The following LTBP1 variants were observed in gnomAD, a reference collection of about 807,000 sequenced individuals.
LTBP1 encodes latent transforming growth factor beta binding protein 1.
A neutral mutation model predicts 207.6 loss-of-function variants in LTBP1; 129 were observed. That is an observed-to-expected ratio of 0.62 (90% CI 0.54 to 0.72). The LOEUF (loss-of-function observed/expected upper bound fraction) is 0.72. LTBP1 is among the 30% of genes least tolerant of loss of function. The pLI is 0.00. For missense variants in LTBP1, 2,281 were observed against 2,217.2 expected (o/e 1.03, Z -0.58); for synonymous variants, 963 against 833.7 (o/e 1.16, Z -2.67).
rs547064449 is a variant in LTBP1, at chr2:33,334,345, G to C, written c.3731-8493G>C. On this transcript the variant is annotated intron_variant, in intron 24 of 33. Coordinates refer to ENST00000404816, the MANE Select transcript of LTBP1 (RefSeq NM_206943.4). ...TTACCCATGGAAGAAAACTGAAGAG[G>C]TTTAAGCAGAGAACTATTTGATTGG... Among the ~76,000 whole-genome samples, 5 of 152,300 alleles carry C rather than the reference G, an allele frequency of 3.3e-5. No homozygotes were observed. The South Asian group carries it at 1.0e-3, about 32-fold the overall frequency.
chr2:33,324,380 A>T (rs190606873), intron 24 of LTBP1, among the ~76,000 whole-genome samples: 52 of 151,284 alleles, frequency 3.4e-4, no homozygotes, highest in African/African-American at 1.2e-3. Flanking sequence ...TATCATAGGT[A>T]TGTATGTATG....
chr2:32,972,698 C>G (rs1239600203), intron 2 of LTBP1, among the ~76,000 whole-genome samples: 2 of 152,106 alleles, frequency 1.3e-5, no homozygotes, highest in South Asian at 2.1e-4. Context: ...CCATGCTGTT[C>G]TTGTGATAGT....
At chr2:33,131,177 A>G (rs902802362) in intron 4 of LTBP1, among the ~76,000 whole-genome samples, 1 of 152,156 alleles carries the variant, frequency 6.6e-6, no homozygotes, top group Non-Finnish European at 1.5e-5. Context: ...CTATTCCACA[A>G]TTATTGGGTG....
intron 6 of LTBP1, 72 bp downstream of exon 6, chr2:33,187,152 C>T (rs1371042213): frequency 7.4e-7 from 1 of 1,349,880 alleles, no homozygotes; most frequent in Non-Finnish European, 1.0e-6. Context: ...AGTCAAGGAT[C>T]TGCGGGTGGC....
intron 31 of LTBP1, among the ~76,000 whole-genome samples, chr2:33,381,996 A>G (rs1185479497): frequency 6.6e-6 from 1 of 150,652 alleles, no homozygotes; most frequent in Non-Finnish European, 1.5e-5. Flanking sequence ...GTAGGAACTT[A>G]ATAGTGCGTG....
At chr2:33,373,850 T>G (rs1280968662) in intron 31 of LTBP1, among the ~76,000 whole-genome samples, 1 of 152,224 alleles carries the variant, frequency 6.6e-6, no homozygotes, top group Admixed American at 6.5e-5. Context: ...CTAAATATTA[T>G]GTATTTTAAA....
chr2:33,261,477 G>A (rs376091180), intron 13 of LTBP1, among the ~76,000 whole-genome samples: 2 of 152,220 alleles, frequency 1.3e-5, no homozygotes, highest in East Asian at 3.9e-4. Context: ...GAAGAAAGAG[G>A]AAGCCAGTTA....
At chr2:33,110,808 C>A in intron 4 of LTBP1, 57 bp downstream of exon 4, 2 of 1,552,260 alleles carry the variant, frequency 1.3e-6, no homozygotes, top group South Asian at 2.3e-5. Context: ...ATTGGAAACA[C>A]TTTGTTCAGT....
At chr2:33,312,672 C>G (rs1252958482) in intron 23 of LTBP1, among the ~76,000 whole-genome samples, 1 of 150,858 alleles carries the variant, frequency 6.6e-6, no homozygotes, top group Non-Finnish European at 1.5e-5. Context: ...TCTTTCTTAG[C>G]AGTTTCCTGG....
chr2:33,211,456 C>A (rs1476432046), intron 7 of LTBP1, among the ~76,000 whole-genome samples: 1 of 152,192 alleles, frequency 6.6e-6, no homozygotes, highest in African/African-American at 2.4e-5. Flanking sequence ...TGGGATTGGA[C>A]AAGCATCATT....
At position 33,301,650 on chromosome 2, in the gene LTBP1, A is replaced by C. The variant is rs762349795; in HGVS notation, c.3481+6A>C. On this transcript the variant is annotated splice_donor_region_variant and intron_variant, in intron 22 of 33. Transcript: ENST00000404816. ...GCTTGGAGACCACTGTGAAGGTAAG[A>C]ATTGCTCCTGATTTCAGAATCATAA... The C allele has an allele frequency of 3.2e-6, 5 of 1,579,634 alleles. No individual in the cohort carries two copies. The South Asian group carries it at 5.9e-5, about 19-fold the overall frequency.
At chr2:33,329,124 G>T (rs57489629) in intron 24 of LTBP1, among the ~76,000 whole-genome samples, 19,873 of 152,142 alleles carry the variant, frequency 0.13, 2,317 homozygotes, top group African/African-American at 0.31. Flanking sequence ...AGTTTACACT[G>T]CTACCAGCAA....
At chr2:33,022,881 T>C (rs1333054726) in intron 3 of LTBP1, among the ~76,000 whole-genome samples, 3 of 152,232 alleles carry the variant, frequency 2.0e-5, no homozygotes, top group African/African-American at 7.2e-5. Flanking sequence ...TCACAGGTCA[T>C]GAAGTATTAT....
intron 2 of LTBP1, among the ~76,000 whole-genome samples, chr2:32,995,913 A>G (rs1648896979): frequency 6.6e-6 from 1 of 152,180 alleles, no homozygotes. Context: ...TGTTTTATAG[A>G]TGAGGAAATC....
At chr2:33,371,871 G>T (rs2095071692) in intron 31 of LTBP1, among the ~76,000 whole-genome samples, 1 of 152,228 alleles carries the variant, frequency 6.6e-6, no homozygotes, top group African/African-American at 2.4e-5. Context: ...GTTTTAAATT[G>T]CATGCAGTTC....
At chr2:33,188,223 C>T (rs2148832517) in intron 6 of LTBP1, among the ~76,000 whole-genome samples, 1 of 152,178 alleles carries the variant, frequency 6.6e-6, no homozygotes, top group African/African-American at 2.4e-5. Context: ...GAGTTCAAGA[C>T]CAGCCTGGCC....
intron 5 of LTBP1, among the ~76,000 whole-genome samples, chr2:33,137,953 C>A (rs2082277606): frequency 6.6e-6 from 1 of 152,082 alleles, no homozygotes; most frequent in Non-Finnish European, 1.5e-5. Context: ...GGAAGGCTGG[C>A]TGGGATAACA....
At chr2:33,017,806 C>T (rs219192) in intron 2 of LTBP1, among the ~76,000 whole-genome samples, 12 of 152,074 alleles carry the variant, frequency 7.9e-5, no homozygotes, top group Non-Finnish European at 1.8e-4. Flanking sequence ...TTAGTAGAGA[C>T]GGGGTTTCAC....
At position 33,347,448 on chromosome 2, in the gene LTBP1, G is replaced by T; in HGVS notation, c.3938G>T (p.Cys1313Phe). 6.2e-7 allele frequency: 1 copy of T among 1,614,240 alleles called. No homozygotes were observed. Among genetic ancestry groups the T allele is most frequent in the Non-Finnish European group, 8.5e-7 (1 of 1,180,042 alleles). The change falls in exon 26 of 34, where the codon TGT becomes TTT. Residue 1313 changes from cysteine (C) to phenylalanine (F), a missense_variant. By Grantham distance (205) the Cys-to-Phe change is radical. Coordinates refer to ENST00000404816, the MANE Select transcript of LTBP1 (RefSeq NM_206943.4). ...GTGGAAGGGTCCTTCCTGTGCGTGT[G>T]TGCTGATGAAAACCAAGAGTACAGC... is the stretch of plus-strand genomic sequence containing the variant. The part of the protein sequence containing the change: ...ENVEGSFLCV[C>F]ADENQEYSPM...
Sources: gnomAD v4.1 joint callset for allele counts (sites outside exome capture counted in the v4.1 genomes callset) on GRCh38, gnomAD v4.1.1 for gene constraint, MANE v1.5 for transcripts, NCBI Gene and HGNC (gene_info 2026-07-23, HGNC 2026-07-21) for gene names.